Variants in EDIL3 observed in about 807,000 individuals in gnomAD.
EDIL3 encodes EGF like and discoidin domains 3.
EDIL3 carries 37 observed loss-of-function variants against 67.4 expected under a neutral mutation model. The observed-to-expected ratio is 0.55, with a 90% CI of 0.42 to 0.72. The LOEUF is 0.72. EDIL3 is among the 30% of genes least tolerant of loss of function. The pLI is 0.00. For missense variants in EDIL3, 527 were observed against 586.3 expected (o/e 0.90, Z 1.04); for synonymous variants, 195 against 196.3 (o/e 0.99, Z 0.05).
intron 1 of EDIL3, among the ~76,000 whole-genome samples, chr5:84,319,870 A>G (rs759665280): frequency 2.8e-4 from 42 of 152,278 alleles, no homozygotes; most frequent in Admixed American, 4.6e-4. Flanking sequence ...ATCAAACTGG[A>G]AACCATCATT....
At chr5:84,286,144 G>A (rs184332312) in intron 1 of EDIL3, among the ~76,000 whole-genome samples, 9 of 152,156 alleles carry the variant, frequency 5.9e-5, no homozygotes, top group Admixed American at 2.0e-4. Context: ...TTGGCTTTCT[G>A]CACCAAACTC....
rs531203984 is a variant in EDIL3, at chr5:83,951,037, ACTT to A, written c.1294-7472_1294-7470del. On this transcript the variant is annotated intron_variant, in intron 10 of 10. Coordinates refer to ENST00000296591, the MANE Select transcript of EDIL3 (RefSeq NM_005711.5). ...AATCTAGACCCTGTTTGCTTCAGAGACTTCTTTGCTTCCCAAGATTTCTCCATG... is the reference window on the plus strand; with the variant it reads ...AATCTAGACCCTGTTTGCTTCAGAGACTTTGCTTCCCAAGATTTCTCCATG... Among the ~76,000 whole-genome samples, 575 of 151,804 alleles carry A rather than the reference ACTT, an allele frequency of 3.8e-3. 3 individuals are homozygous for A. The highest frequency in any genetic ancestry group is 0.013 in the African/African-American group (547 of 41,468).
chr5:84,102,357 G>A (rs959887247), intron 6 of EDIL3, among the ~76,000 whole-genome samples: 34 of 152,056 alleles, frequency 2.2e-4, no homozygotes, highest in African/African-American at 7.7e-4. Flanking sequence ...CATCCAAAAC[G>A]GGCAGAGAGG....
chr5:84,339,291 G>A (rs912577375), intron 1 of EDIL3, among the ~76,000 whole-genome samples: 1 of 152,074 alleles, frequency 6.6e-6, no homozygotes, highest in African/African-American at 2.4e-5. Flanking sequence ...AGTAAGGGTT[G>A]GATGCATTAA....
At chr5:83,986,797 AT>A (rs2112154772) in intron 9 of EDIL3, among the ~76,000 whole-genome samples, 1 of 152,254 alleles carries the variant, frequency 6.6e-6, no homozygotes, top group East Asian at 1.9e-4. Flanking sequence ...AGGAAAGGGC[AT>A]TCTAGACCAG....
intron 3 of EDIL3, among the ~76,000 whole-genome samples, chr5:84,224,232 C>A (rs1744404412): frequency 6.6e-6 from 1 of 151,382 alleles, no homozygotes; most frequent in African/African-American, 2.4e-5. Context: ...TTCAGATTCC[C>A]AGCCCTGTAT....
At chr5:84,095,011 T>G (rs978261468) in intron 6 of EDIL3, among the ~76,000 whole-genome samples, 1 of 152,208 alleles carries the variant, frequency 6.6e-6, no homozygotes. Context: ...TCACTGTTCT[T>G]TCCTCTCCCT....
At chr5:83,947,367 G>C (rs921917662) in intron 10 of EDIL3, among the ~76,000 whole-genome samples, 67 of 106,582 alleles carry the variant, frequency 6.3e-4, no homozygotes, top group Non-Finnish European at 1.2e-3. Context: ...CTGTGTCTGT[G>C]TCTGTGTGTG....
chr5:84,206,014 A>G (rs1369085984), intron 3 of EDIL3, among the ~76,000 whole-genome samples: 1 of 151,402 alleles, frequency 6.6e-6, no homozygotes, highest in Non-Finnish European at 1.5e-5. Context: ...TAGGGTGTCA[A>G]TTTTGGATCT....
At chr5:83,970,684 T>TATATATATATATAG (rs1491469489) in intron 9 of EDIL3, among the ~76,000 whole-genome samples, 1 of 131,490 alleles carries the variant, frequency 7.6e-6, no homozygotes, top group African/African-American at 2.8e-5. Flanking sequence ...TATATATATA[T>TATATATATATATAG]TTAAGAACAT....
chr5:84,160,965 C>G (rs999130443), intron 4 of EDIL3, among the ~76,000 whole-genome samples: 1 of 151,870 alleles, frequency 6.6e-6, no homozygotes, highest in South Asian at 2.1e-4. Context: ...GTGTACAGTA[C>G]CCATTATGTA....
At chr5:84,263,173 A>G (rs980633554) in intron 1 of EDIL3, among the ~76,000 whole-genome samples, 3 of 152,192 alleles carry the variant, frequency 2.0e-5, no homozygotes, top group Non-Finnish European at 4.4e-5. Context: ...ACTGCTTGTT[A>G]GGTCCAAGAA....
chr5:84,057,380 C>T (rs527245240), intron 9 of EDIL3, among the ~76,000 whole-genome samples: 2 of 145,132 alleles, frequency 1.4e-5, no homozygotes, highest in Non-Finnish European at 3.0e-5. Context: ...GTCTACCAAC[C>T]TCCTGAGCTA....
intron 5 of EDIL3, among the ~76,000 whole-genome samples, chr5:84,128,959 G>A (rs901258552): frequency 1.3e-5 from 2 of 152,124 alleles, no homozygotes; most frequent in African/African-American, 4.8e-5. Flanking sequence ...AAAACTGTCA[G>A]GTAATGAGAA....
chr5:84,010,087 T>A (rs1239992178), intron 9 of EDIL3, among the ~76,000 whole-genome samples: 1 of 152,178 alleles, frequency 6.6e-6, no homozygotes, highest in Non-Finnish European at 1.5e-5. Context: ...GATGCCAACA[T>A]TCGTGCCTAC....
At chr5:84,213,662 GATATGAAAC>G (rs1200247409) in intron 3 of EDIL3, among the ~76,000 whole-genome samples, 1 of 152,180 alleles carries the variant, frequency 6.6e-6, no homozygotes, top group African/African-American at 2.4e-5. Flanking sequence ...CAGGTGAGTA[GATATGAAAC>G]ATATCTAAAT....
At chr5:84,004,369 A>T (rs980730475) in intron 9 of EDIL3, among the ~76,000 whole-genome samples, 1 of 152,118 alleles carries the variant, frequency 6.6e-6, no homozygotes, top group Non-Finnish European at 1.5e-5. Flanking sequence ...AATAGAACAT[A>T]CATTCTTCTC....
intron 4 of EDIL3, among the ~76,000 whole-genome samples, chr5:84,162,251 T>A (rs1297709748): frequency 6.6e-6 from 1 of 152,098 alleles, no homozygotes; most frequent in Non-Finnish European, 1.5e-5. Context: ...TACCCATGGA[T>A]GTCTTGCTCC....
At position 83,943,421 on chromosome 5, in the gene EDIL3, A is replaced by C. The variant is rs769372178; in HGVS notation, c.1441T>G (p.Ter481GlyextTer20). Residue 481 changes from the stop codon to glycine, a stop_lost, in exon 11 of 11, where the codon TGA (stop) becomes GGA (glycine). Transcript: ENST00000296591. ...SELLGCTEEE[*>G] ...GGGTTGTGAAATGTAGCCTCCCCTC[A>C]TTCCTCCTCTGTGCAGCCCAGCAGC... 1 of 1,612,114 alleles carries C rather than the reference A, an allele frequency of 6.2e-7. No individual in the cohort carries two copies. The highest frequency in any genetic ancestry group is 1.3e-5 in the African/African-American group (1 of 74,810).
Sources: gnomAD v4.1 joint callset for allele counts (sites outside exome capture counted in the v4.1 genomes callset) on GRCh38, gnomAD v4.1.1 for gene constraint, MANE v1.5 for transcripts, NCBI Gene and HGNC (gene_info 2026-07-23, HGNC 2026-07-21) for gene names.